Variants in TMEM117 observed in about 807,000 individuals in gnomAD.
The protein encoded by TMEM117 is transmembrane protein 117.
TMEM117 carries 27 observed loss-of-function variants against 52.4 expected under a neutral mutation model. The observed-to-expected ratio is 0.51, with a 90% CI of 0.38 to 0.71. The LOEUF is 0.71. Ranked by LOEUF, TMEM117 falls within the 30% of genes least tolerant of loss-of-function variation. The probability of loss-of-function intolerance (pLI) is 0.00; values close to 1 mark genes in which losing one functional copy is unlikely to be tolerated. For synonymous variants in TMEM117, 215 were observed against 206.3 expected (o/e 1.04, Z -0.36); for missense variants, 556 against 630.5 (o/e 0.88, Z 1.26).
chr12:44,065,729 T>C (rs1373065866), intron 3 of TMEM117, among the ~76,000 whole-genome samples: 1 of 152,138 alleles, frequency 6.6e-6, no homozygotes, highest in Non-Finnish European at 1.5e-5. Context: ...AATGAGTTCA[T>C]ATGGTGAGCA....
chr12:44,320,366 G>A (rs75213944), intron 6 of TMEM117, among the ~76,000 whole-genome samples: 7,315 of 151,776 alleles, frequency 0.048, 363 homozygotes, highest in African/African-American at 0.12. Flanking sequence ...TCTTCTTTTG[G>A]TCTTACTCCA....
At chr12:44,369,125 T>G (rs1026091414) in intron 6 of TMEM117, among the ~76,000 whole-genome samples, 1 of 152,198 alleles carries the variant, frequency 6.6e-6, no homozygotes, top group Non-Finnish European at 1.5e-5. Context: ...GAAGGAGTAC[T>G]GATTTTCCAT....
At chr12:44,346,286 G>A (rs1289882554) in intron 6 of TMEM117, among the ~76,000 whole-genome samples, 2 of 152,084 alleles carry the variant, frequency 1.3e-5, no homozygotes, top group Admixed American at 1.3e-4. Flanking sequence ...GTTCTACAAA[G>A]TTGGATTGAA....
At chr12:44,293,250 T>C (rs1950727201) in intron 5 of TMEM117, among the ~76,000 whole-genome samples, 1 of 152,056 alleles carries the variant, frequency 6.6e-6, no homozygotes, top group Non-Finnish European at 1.5e-5. Context: ...CCTGCTGTCT[T>C]TTGGTTACCA....
chr12:43,849,662 A>G (rs1943272251), intron 2 of TMEM117, among the ~76,000 whole-genome samples: 1 of 152,068 alleles, frequency 6.6e-6, no homozygotes, highest in Admixed American at 6.5e-5. Flanking sequence ...AAAAGATTAT[A>G]TGATGTAGTC....
rs1348263692 is a variant in TMEM117, at chr12:44,065,738, CA to C, written c.411-77786del. On this transcript the variant is annotated intron_variant, in intron 3 of 7. Transcript: ENST00000266534. The stretch of plus-strand genomic sequence containing the variant: ...AGGGAGAATGAGTTCATATGGTGAG[CA>C]GCAGAGATGAGATGAAGAATCCCAC... Among the ~76,000 whole-genome samples the C allele has an allele frequency of 5.3e-5, 8 of 152,232 alleles. 1 individual carries two copies. The highest frequency in any genetic ancestry group is 1.9e-4 in the African/African-American group (8 of 41,546).
chr12:44,007,352 A>G (rs1183044537), intron 3 of TMEM117, among the ~76,000 whole-genome samples: 1 of 151,866 alleles, frequency 6.6e-6, no homozygotes, highest in Non-Finnish European at 1.5e-5. Context: ...TCTCTGAAAA[A>G]CTTTTTTCTA....
chr12:44,376,222 A>G (rs1056339712), intron 6 of TMEM117, among the ~76,000 whole-genome samples: 10 of 152,240 alleles, frequency 6.6e-5, no homozygotes, highest in Admixed American at 5.9e-4. Flanking sequence ...TTTAAAAGTC[A>G]TGAAACAAAA....
At chr12:43,882,254 G>A (rs1361515154) in intron 2 of TMEM117, among the ~76,000 whole-genome samples, 2 of 151,980 alleles carry the variant, frequency 1.3e-5, no homozygotes, top group African/African-American at 4.8e-5. Context: ...GAGGTCAGGA[G>A]TTCAAGATCA....
chr12:43,996,192 A>G (rs962091205), intron 3 of TMEM117, among the ~76,000 whole-genome samples: 9 of 152,374 alleles, frequency 5.9e-5, no homozygotes, highest in African/African-American at 2.2e-4. Flanking sequence ...CTATTATCCA[A>G]GTAAACACTA....
chr12:44,198,581 C>A (rs1949451572), intron 4 of TMEM117, among the ~76,000 whole-genome samples: 1 of 151,996 alleles, frequency 6.6e-6, no homozygotes, highest in Non-Finnish European at 1.5e-5. Flanking sequence ...ATGTTGGGAC[C>A]AGTGATGTCT....
At chr12:44,385,232 G>A (rs1363525591) in intron 7 of TMEM117, among the ~76,000 whole-genome samples, 3 of 152,186 alleles carry the variant, frequency 2.0e-5, no homozygotes, top group Non-Finnish European at 2.9e-5. Flanking sequence ...GATGATATCC[G>A]TTAACTGATG....
chr12:44,205,940 A>G (rs1331367706), intron 4 of TMEM117, among the ~76,000 whole-genome samples: 1 of 152,086 alleles, frequency 6.6e-6, no homozygotes, highest in Admixed American at 6.6e-5. Flanking sequence ...TGTCGTGGAG[A>G]CCCTAACCCA....
intron 5 of TMEM117, among the ~76,000 whole-genome samples, chr12:44,215,256 C>A (rs1047571607): frequency 3.6e-4 from 55 of 152,298 alleles, no homozygotes; most frequent in African/African-American, 1.3e-3. Flanking sequence ...TCACAAACAC[C>A]TGTCAGAAAC....
intron 6 of TMEM117, among the ~76,000 whole-genome samples, chr12:44,334,806 C>T (rs570754234): frequency 7.9e-5 from 12 of 152,094 alleles, no homozygotes; most frequent in Admixed American, 3.3e-4. Context: ...AGTACTGTTT[C>T]ATGAGTATCT....
At chr12:44,156,598 CTG>C (rs1221491521) in intron 4 of TMEM117, among the ~76,000 whole-genome samples, 1 of 152,068 alleles carries the variant, frequency 6.6e-6, no homozygotes, top group Admixed American at 6.6e-5. Flanking sequence ...AATGCAGGGA[CTG>C]TTTCTCTAAG....
intron 4 of TMEM117, among the ~76,000 whole-genome samples, chr12:44,149,030 C>T (rs1230922562): frequency 6.6e-6 from 1 of 152,170 alleles, no homozygotes; most frequent in African/African-American, 2.4e-5. Flanking sequence ...TTCCCAGAAC[C>T]ACAGGGACAC....
intron 2 of TMEM117, among the ~76,000 whole-genome samples, chr12:43,897,581 G>A (rs1023360327): frequency 6.6e-6 from 1 of 151,726 alleles, no homozygotes; most frequent in African/African-American, 2.4e-5. Flanking sequence ...CCAAAGTGTT[G>A]GAATTATAGG....
At chr12:44,181,571 T>C (rs1190367262) in intron 4 of TMEM117, among the ~76,000 whole-genome samples, 2 of 152,008 alleles carry the variant, frequency 1.3e-5, no homozygotes, top group Non-Finnish European at 2.9e-5. Flanking sequence ...TTTCTACATA[T>C]GGCTAGCCAG....
Sources: gnomAD v4.1 joint callset for allele counts (sites outside exome capture counted in the v4.1 genomes callset) on GRCh38, gnomAD v4.1.1 for gene constraint, MANE v1.5 for transcripts, NCBI Gene and HGNC (gene_info 2026-07-23, HGNC 2026-07-21) for gene names.